Variants in DENND5B observed in about 807,000 individuals in gnomAD.
The protein encoded by DENND5B is DENN domain containing 5B.
DENND5B carries 34 observed loss-of-function variants against 140.6 expected under a neutral mutation model. The ratio of observed to expected loss-of-function variants is 0.24; its 90% CI spans 0.18 to 0.32. The LOEUF is 0.32. Among genes scored for constraint, DENND5B ranks in the 10% least tolerant of loss-of-function variants. The pLI, the probability that DENND5B is intolerant of heterozygous loss-of-function variation, is 1.00. For synonymous variants in DENND5B, 551 were observed against 562.1 expected (o/e 0.98, Z 0.28); for missense variants, 1,142 against 1,560.2 (o/e 0.73, Z 4.52).
intron 9 of DENND5B, among the ~76,000 whole-genome samples, chr12:31,425,412 A>G (rs77784934): frequency 6.6e-6 from 1 of 152,256 alleles, no homozygotes; most frequent in Non-Finnish European, 1.5e-5. Context: ...CCAGCATCTT[A>G]GCATACTAAA....
intron 4 of DENND5B, among the ~76,000 whole-genome samples, chr12:31,453,736 G>T (rs1236075747): frequency 6.6e-6 from 1 of 152,140 alleles, no homozygotes; most frequent in East Asian, 1.9e-4. Context: ...AAAGTAAGGG[G>T]AAAGGGGAAA....
intron 1 of DENND5B, among the ~76,000 whole-genome samples, chr12:31,535,441 C>A (rs548676515): frequency 6.6e-6 from 1 of 151,190 alleles, no homozygotes; most frequent in South Asian, 2.1e-4. Flanking sequence ...TATACACATA[C>A]ACACACACAC....
chr12:31,567,547 G>T (rs867964127), intron 1 of DENND5B, among the ~76,000 whole-genome samples: 1 of 39,052 alleles, frequency 2.6e-5, no homozygotes, highest in Non-Finnish European at 5.3e-5. Flanking sequence ...AAAAAAAAAA[G>T]CATCCTAATT....
chr12:31,404,853 G>C (rs553142867), intron 14 of DENND5B, among the ~76,000 whole-genome samples: 18 of 141,792 alleles, frequency 1.3e-4, no homozygotes, highest in Non-Finnish European at 2.2e-4. Context: ...TCTGCCTCCC[G>C]GGCTCAAGCG....
intron 1 of DENND5B, among the ~76,000 whole-genome samples, chr12:31,530,186 A>G (rs1454438506): frequency 8.5e-5 from 13 of 152,172 alleles, no homozygotes; most frequent in Admixed American, 8.5e-4. Context: ...CAGCCTGGCC[A>G]ACATGGTGAA....
intron 1 of DENND5B, among the ~76,000 whole-genome samples, chr12:31,520,259 T>C (rs575429313): frequency 1.8e-4 from 28 of 152,348 alleles, no homozygotes; most frequent in African/African-American, 6.3e-4. Context: ...ATATTCTGCG[T>C]TGAAGTTCTT....
At chr12:31,491,408 T>C (rs1382494278) in intron 2 of DENND5B, among the ~76,000 whole-genome samples, 2 of 152,138 alleles carry the variant, frequency 1.3e-5, no homozygotes, top group Non-Finnish European at 2.9e-5. Context: ...AAGCCAAGAT[T>C]GCACCACTGA....
chr12:31,477,992 CA>C, intron 3 of DENND5B: 1 of 206,170 alleles, frequency 4.9e-6, no homozygotes, highest in Admixed American at 5.0e-5. Flanking sequence ...TCCTAATGCC[CA>C]AGGAGCTTCA....
chr12:31,542,211 C>T (rs927481711), intron 1 of DENND5B, among the ~76,000 whole-genome samples: 14 of 151,410 alleles, frequency 9.2e-5, no homozygotes, highest in Non-Finnish European at 1.8e-4. Context: ...TCACTTGAAC[C>T]TGGGAGGTGG....
At chr12:31,531,133 C>T (rs985845340) in intron 1 of DENND5B, among the ~76,000 whole-genome samples, 3 of 152,172 alleles carry the variant, frequency 2.0e-5, no homozygotes, top group Admixed American at 2.0e-4. Flanking sequence ...TTTGGCTCTA[C>T]ACACATTACC....
At chr12:31,426,130 G>C (rs1158913923) in intron 9 of DENND5B, among the ~76,000 whole-genome samples, 163 bp downstream of exon 9, 1 of 152,190 alleles carries the variant, frequency 6.6e-6, no homozygotes, top group East Asian at 1.9e-4. Flanking sequence ...AGAACCCATG[G>C]AGGTTCAATA....
chr12:31,539,916 T>C (rs899857456), intron 1 of DENND5B, among the ~76,000 whole-genome samples: 13 of 151,962 alleles, frequency 8.6e-5, no homozygotes, highest in Admixed American at 6.6e-4. Flanking sequence ...GGTATCCAAA[T>C]TGGAAAGGAA....
intron 1 of DENND5B, among the ~76,000 whole-genome samples, chr12:31,575,748 G>A (rs1300847714): frequency 6.6e-6 from 1 of 152,096 alleles, no homozygotes; most frequent in Non-Finnish European, 1.5e-5. Context: ...GAGTCCAGGA[G>A]TTCGAGACAG....
chr12:31,391,691 C>T (rs77917647), intron 19 of DENND5B, among the ~76,000 whole-genome samples: 1,742 of 152,168 alleles, frequency 0.011, 19 homozygotes, highest in East Asian at 0.031. Flanking sequence ...CTCACTCTGT[C>T]GCCCAGGCTG....
rs1233384004 is a variant in DENND5B at position 31,407,128 on chromosome 12, AT to A, written c.2803+2134del. ...TCGATTTAATTAAATTAATTAATTA[AT>A]TTATTTATTTATTTATTTTGAGACG... On this transcript the variant is annotated intron_variant, in intron 14 of 20. Coordinates refer to ENST00000389082, the MANE Select transcript of DENND5B (RefSeq NM_144973.4). Among the ~76,000 whole-genome samples the A allele has an allele frequency of 6.1e-5, 9 of 147,696 alleles. No homozygotes were observed. In the East Asian group the frequency reaches 7.8e-4, roughly 13 times the overall value.
intron 1 of DENND5B, among the ~76,000 whole-genome samples, chr12:31,502,721 A>G (rs1947057756): frequency 6.6e-6 from 1 of 152,172 alleles, no homozygotes; most frequent in Non-Finnish European, 1.5e-5. Context: ...TTAAGCTTCT[A>G]CGCTGGGGGG....
chr12:31,401,488 A>G (rs1266066743), intron 15 of DENND5B, among the ~76,000 whole-genome samples: 4 of 152,172 alleles, frequency 2.6e-5, no homozygotes, highest in Admixed American at 2.6e-4. Context: ...TGGGACATTC[A>G]GTTCGTACCA....
intron 2 of DENND5B, among the ~76,000 whole-genome samples, chr12:31,493,363 C>G (rs1946606828): frequency 6.6e-6 from 1 of 152,098 alleles, no homozygotes; most frequent in African/African-American, 2.4e-5. Flanking sequence ...GTTAGATTAT[C>G]AGGTTATAAT....
At chr12:31,518,709 C>T (rs1947769244) in intron 1 of DENND5B, among the ~76,000 whole-genome samples, 1 of 152,064 alleles carries the variant, frequency 6.6e-6, no homozygotes, top group South Asian at 2.1e-4. Flanking sequence ...CTCACTGCAT[C>T]ATACTCAAAA....
Sources: allele counts gnomAD v4.1 joint callset (sites outside exome capture counted in the v4.1 genomes callset), GRCh38; gene constraint gnomAD v4.1.1; transcripts MANE v1.5; gene names NCBI Gene and HGNC (gene_info 2026-07-23, HGNC 2026-07-21).